The following PLA2G2C variants were observed in gnomAD, a reference collection of about 807,000 sequenced individuals.
PLA2G2C encodes phospholipase A2 group IIC.
Under a neutral mutation model 14.3 loss-of-function variants are expected in PLA2G2C, and 15 were observed. The observed-to-expected ratio is 1.05, with a 90% CI of 0.70 to 1.62. The LOEUF (loss-of-function observed/expected upper bound fraction) is 1.62, where lower values mean the gene tolerates loss of function less well. Among genes scored for constraint, PLA2G2C ranks in the 40% most tolerant of loss-of-function variants. The pLI is 0.00. For synonymous variants in PLA2G2C, 79 were observed against 67.7 expected (o/e 1.17, Z -0.82); for missense variants, 162 against 173.2 (o/e 0.94, Z 0.36).
At chr1:20,177,262 C>A in intron 2 of PLA2G2C, 62 bp downstream of exon 2, 1 of 700,244 alleles carries the variant, frequency 1.4e-6, no homozygotes, top group Non-Finnish European at 2.6e-6. Flanking sequence ...AGAGTCCCCC[C>A]TCCCACTGAC....
intron 1 of PLA2G2C, among the ~76,000 whole-genome samples, chr1:20,184,826 C>T (rs1486891302): frequency 6.6e-6 from 1 of 151,800 alleles, no homozygotes; most frequent in Non-Finnish European, 1.5e-5. Flanking sequence ...TGGGAGGTTT[C>T]GCAAGCAAAA....
intron 4 of PLA2G2C, among the ~76,000 whole-genome samples, chr1:20,170,201 T>C (rs1186193126): frequency 6.6e-6 from 1 of 152,208 alleles, no homozygotes; most frequent in Non-Finnish European, 1.5e-5. Context: ...ATAGCTGTTG[T>C]TATTGTACCC....
rs536038892 is a variant in PLA2G2C at position 20,178,930 on chromosome 1, T to C, written c.-76-1491A>G. 9.2e-5 allele frequency among the ~76,000 whole-genome samples: 14 copies of C among 152,350 alleles called. 1 individual carries two copies. Among genetic ancestry groups the C allele is most frequent in the African/African-American group, 3.1e-4 (13 of 41,568 alleles). ...ATTAGTTCTCGAATGCTTCACACAG[T>C]CCTGGCAGGCCCCCTCTTCAGGGCT... On this transcript the variant is annotated intron_variant, in intron 1 of 4. Transcript: ENST00000679259.
At chr1:20,174,923 G>A in intron 3 of PLA2G2C, 84 bp downstream of exon 3, 1 of 1,336,896 alleles carries the variant, frequency 7.5e-7, no homozygotes, top group Non-Finnish European at 1.0e-6. Context: ...TGCCAGGCAA[G>A]AATCCTAACA....
intron 1 of PLA2G2C, among the ~76,000 whole-genome samples, chr1:20,179,531 G>T (rs1289937756): frequency 1.3e-5 from 2 of 150,884 alleles, no homozygotes; most frequent in Non-Finnish European, 2.9e-5. Context: ...CTGTGTGTGT[G>T]TGTGTGTGTG....
At chr1:20,170,043 T>C (rs1308634489) in intron 4 of PLA2G2C, among the ~76,000 whole-genome samples, 1 of 152,234 alleles carries the variant, frequency 6.6e-6, no homozygotes, top group Non-Finnish European at 1.5e-5. Flanking sequence ...AACTCTTCTT[T>C]CCCTGGCTGT....
intron 2 of PLA2G2C, among the ~76,000 whole-genome samples, chr1:20,176,336 T>C (rs1298943819): frequency 6.6e-6 from 1 of 152,034 alleles, no homozygotes; most frequent in East Asian, 1.9e-4. Flanking sequence ...AAAACTGGGG[T>C]CTGGGGAGGA....
At chr1:20,173,253 C>T (rs2018121438) in intron 3 of PLA2G2C, among the ~76,000 whole-genome samples, 1 of 151,872 alleles carries the variant, frequency 6.6e-6, no homozygotes, top group Admixed American at 6.6e-5. Flanking sequence ...GTGACGGAGG[C>T]TGCAGTGAGC....
intron 1 of PLA2G2C, among the ~76,000 whole-genome samples, chr1:20,182,922 G>A (rs2018297408): frequency 6.6e-6 from 1 of 152,238 alleles, no homozygotes; most frequent in African/African-American, 2.4e-5. Context: ...GCCAAATATG[G>A]TTGGGGAGGA....
chr1:20,164,869 C>T (rs2017949561), intron 4 of PLA2G2C, among the ~76,000 whole-genome samples: 1 of 152,236 alleles, frequency 6.6e-6, no homozygotes, highest in South Asian at 2.1e-4. Context: ...ATGTTCTGCC[C>T]TCTTCTCTCT....
intron 2 of PLA2G2C, among the ~76,000 whole-genome samples, chr1:20,175,860 G>A (rs1423547407): frequency 4.0e-5 from 6 of 151,606 alleles, no homozygotes; most frequent in South Asian, 4.2e-4. Flanking sequence ...TTTTATACAC[G>A]TCTCCGCTGT....
Position 20,177,433 on chromosome 1 carries a change from T to G in PLA2G2C, c.-70A>C. 1 of 611,286 alleles carries G rather than the reference T, an allele frequency of 1.6e-6. No homozygotes were observed. The allele number at this position is 611,286 out of a possible 1,614,324, so 37.9% of individuals were successfully genotyped here. On this transcript the variant is annotated 5_prime_UTR_variant, in exon 2 of 5. Coordinates refer to ENST00000679259, the MANE Select transcript of PLA2G2C (RefSeq NM_001367969.2). ...ACCTGTGTGTGAGGGGTCTCCCAGC[T>G]GAACCTCTGTTCCAGGACAAAATGA...
At chr1:20,165,977 T>C (rs2100711327) in intron 4 of PLA2G2C, among the ~76,000 whole-genome samples, 1 of 152,354 alleles carries the variant, frequency 6.6e-6, no homozygotes, top group African/African-American at 2.4e-5. Flanking sequence ...CTTCCTCATC[T>C]ATGAAATGGT....
intron 1 of PLA2G2C, among the ~76,000 whole-genome samples, chr1:20,180,035 C>T (rs2018257996): frequency 6.6e-6 from 1 of 151,916 alleles, no homozygotes; most frequent in Non-Finnish European, 1.5e-5. Flanking sequence ...GTATGCTTCT[C>T]CCTCTGTGCC....
At chr1:20,170,089 C>A (rs781272673) in intron 4 of PLA2G2C, among the ~76,000 whole-genome samples, 2 of 152,220 alleles carry the variant, frequency 1.3e-5, no homozygotes, top group African/African-American at 4.8e-5. Context: ...TCTCTGAGCC[C>A]CAGGGTCCTC....
intron 3 of PLA2G2C, among the ~76,000 whole-genome samples, chr1:20,173,154 T>TAA (rs35364141): frequency 1.9e-4 from 26 of 135,934 alleles, no homozygotes; most frequent in East Asian, 4.3e-4. Flanking sequence ...TTTTTAAGTT[T>TAA]AAAAAAAAAA....
chr1:20,185,387 C>T (rs994619056), intron 1 of PLA2G2C, among the ~76,000 whole-genome samples: 3 of 151,958 alleles, frequency 2.0e-5, no homozygotes, highest in Non-Finnish European at 4.4e-5. Flanking sequence ...AGGTAATGGG[C>T]CAGGATAGGG....
intron 4 of PLA2G2C, among the ~76,000 whole-genome samples, chr1:20,168,741 C>T (rs1374857885): frequency 6.6e-6 from 1 of 152,234 alleles, no homozygotes; most frequent in East Asian, 1.9e-4. Context: ...CTGCCTCCCA[C>T]ACCGGGTCCT....
chr1:20,170,703 G>GTCACAGAAAAGACACTTT (rs1553183841), intron 4 of PLA2G2C, among the ~76,000 whole-genome samples: 2 of 143,584 alleles, frequency 1.4e-5, no homozygotes, highest in African/African-American at 5.3e-5. Context: ...CTGAGGAGGC[G>GTCACAGAAAAGACACTTT]GGTGCTGATG....
Sources: gnomAD v4.1 joint callset for allele counts (sites outside exome capture counted in the v4.1 genomes callset) on GRCh38, gnomAD v4.1.1 for gene constraint, MANE v1.5 for transcripts, NCBI Gene and HGNC (gene_info 2026-07-23, HGNC 2026-07-21) for gene names.